Variants in XPO7 observed in about 807,000 individuals in gnomAD.
XPO7 encodes exportin-7.
In XPO7, 21 loss-of-function variants were observed where a neutral mutation model predicts 144.3. The ratio of observed to expected loss-of-function variants is 0.15; its 90% confidence interval spans 0.10 to 0.21. The LOEUF (loss-of-function observed/expected upper bound fraction) is 0.21, where lower values mean the gene tolerates loss of function less well. Among genes scored for constraint, XPO7 ranks in the 10% least tolerant of loss-of-function variants. The probability of loss-of-function intolerance (pLI) is 1.00; values close to 1 mark genes in which losing one functional copy is unlikely to be tolerated. For synonymous variants in XPO7, 580 were observed against 499.6 expected, an observed-to-expected ratio of 1.16 and a Z score of -2.15; for missense variants, 808 against 1,325.8, an observed-to-expected ratio of 0.61 and a Z score of 6.06.
At chr8:21,920,835 G>T (rs1810257035) in intron 1 of XPO7, among the ~76,000 whole-genome samples, 1 of 152,244 alleles carries the variant, frequency 6.6e-6, no homozygotes, top group Admixed American at 6.5e-5. Context: ...TAGAGGGCAA[G>T]AAGTGTCGCC....
At chr8:21,945,144 G>C (rs1393461777) in intron 1 of XPO7, among the ~76,000 whole-genome samples, 4 of 152,150 alleles carry the variant, frequency 2.6e-5, no homozygotes, top group African/African-American at 9.7e-5. Flanking sequence ...ACGGGGTGGC[G>C]GCCGGGCAGA....
At chr8:21,938,716 C>T (rs917475671) in intron 1 of XPO7, among the ~76,000 whole-genome samples, 3 of 151,608 alleles carry the variant, frequency 2.0e-5, no homozygotes, top group Non-Finnish European at 2.9e-5. Context: ...GGTGATCAGC[C>T]AGATGATTCC....
chr8:21,989,174 T>C, intron 16 of XPO7, 91 bp downstream of exon 16: 2 of 1,208,180 alleles, frequency 1.7e-6, no homozygotes, highest in Middle Eastern at 1.9e-4. Context: ...CACTTCAGTT[T>C]AGCTGTAGTG....
intron 27 of XPO7, among the ~76,000 whole-genome samples, chr8:22,004,771 T>C (rs1195441568): frequency 1.3e-5 from 2 of 152,036 alleles, no homozygotes; most frequent in Non-Finnish European, 2.9e-5. Flanking sequence ...GTGAGATTTC[T>C]TTTGTGCTGC....
rs892968633 is a variant in XPO7, at chr8:21,976,255, A to G, written c.598-101A>G. On this transcript the variant is annotated intron_variant, in intron 6 of 27. Transcript: ENST00000252512. Reference sequence around the variant, plus strand: ...GAAGGGGACATTTTACTGTGCTAACATATAGCCCTCCTTTTCTGACTTAAC... The same window carrying G: ...GAAGGGGACATTTTACTGTGCTAACGTATAGCCCTCCTTTTCTGACTTAAC... The G allele has an allele frequency of 6.0e-6, 8 of 1,331,834 alleles. No homozygotes were observed. The African/African-American group carries it at 1.2e-4, about 19-fold the overall frequency. The allele number at this position is 1,331,834 out of a possible 1,614,324, so 82.5% of individuals were successfully genotyped here.
intron 1 of XPO7, among the ~76,000 whole-genome samples, chr8:21,932,662 C>T (rs1222339564): frequency 6.6e-6 from 1 of 152,188 alleles, no homozygotes; most frequent in Non-Finnish European, 1.5e-5. Context: ...TGTCTGTCTT[C>T]TTCCTTTATG....
chr8:21,980,058 G>A, intron 8 of XPO7, 26 bp from the exon 9 acceptor site: 3 of 1,544,090 alleles, frequency 1.9e-6, no homozygotes, highest in Non-Finnish European at 2.6e-6. Flanking sequence ...TTTAATCGTT[G>A]TGTTTGGGTT....
rs1450053288 is a variant in XPO7 at position 21,994,401 on chromosome 8, C to A, written c.2187C>A (p.Ile729=). The change falls in exon 20 of 28, where the codon ATC becomes ATA. Residue 729 remains isoleucine (I), a synonymous_variant. Transcript: ENST00000252512. ...GCCTAGTAAGAGACCTGAGAGGGAT[C>A]GCTTTCGCTTTCAATGCCAAGACCA... The part of the protein sequence containing the change: ...LVGLVRDLRG[I]AFAFNAKTSF... 2 of 1,612,246 alleles carry A rather than the reference C, an allele frequency of 1.2e-6. No homozygotes were observed. The highest frequency in any genetic ancestry group is 2.7e-5 in the African/African-American group (2 of 74,884).
intron 8 of XPO7, among the ~76,000 whole-genome samples, chr8:21,978,050 G>C (rs1175566824): frequency 2.0e-5 from 3 of 149,332 alleles, no homozygotes; most frequent in Admixed American, 6.6e-5. Flanking sequence ...CCTGTCTAAA[G>C]GCCAATTCCT....
chr8:21,937,087 G>A (rs552271732), intron 1 of XPO7, among the ~76,000 whole-genome samples: 3 of 152,228 alleles, frequency 2.0e-5, no homozygotes, highest in African/African-American at 7.2e-5. Context: ...TTAATGCATA[G>A]CACAATAAGA....
chr8:21,926,819 A>G (rs946757053), intron 1 of XPO7, among the ~76,000 whole-genome samples: 2 of 152,210 alleles, frequency 1.3e-5, no homozygotes, highest in African/African-American at 4.8e-5. Flanking sequence ...CAAATTATTT[A>G]GAATGTAATG....
At chr8:21,942,841 A>C (rs774310977) in intron 1 of XPO7, among the ~76,000 whole-genome samples, 2 of 152,216 alleles carry the variant, frequency 1.3e-5, no homozygotes, top group Non-Finnish European at 2.9e-5. Flanking sequence ...TAGTAAAAAT[A>C]ATTTTTTTGC....
chr8:21,972,913 C>T (rs1033485183), intron 5 of XPO7, among the ~76,000 whole-genome samples: 2 of 152,216 alleles, frequency 1.3e-5, no homozygotes, highest in Non-Finnish European at 2.9e-5. Flanking sequence ...TTGCCACATG[C>T]AATCCCCGTT....
intron 1 of XPO7, among the ~76,000 whole-genome samples, chr8:21,941,383 G>A (rs768363893): frequency 2.2e-4 from 33 of 152,074 alleles, no homozygotes; most frequent in Non-Finnish European, 4.1e-4. Flanking sequence ...AACTCCTGGG[G>A]TCAAGCAACC....
At chr8:21,980,323 G>A in intron 9 of XPO7, 120 bp downstream of exon 9, 1 of 1,238,184 alleles carries the variant, frequency 8.1e-7, no homozygotes. Flanking sequence ...AGGGAAGACT[G>A]AAGTGAATCT....
chr8:21,965,596 T>G (rs1434862549), intron 1 of XPO7, among the ~76,000 whole-genome samples: 2 of 152,222 alleles, frequency 1.3e-5, no homozygotes, highest in Non-Finnish European at 2.9e-5. Context: ...TTTTGGGGGC[T>G]GTCTGAAGTA....
chr8:21,938,547 G>C (rs1311141455), intron 1 of XPO7, among the ~76,000 whole-genome samples: 1 of 152,118 alleles, frequency 6.6e-6, no homozygotes, highest in Non-Finnish European at 1.5e-5. Context: ...CACTGATAAT[G>C]TAATTTCGCT....
At chr8:21,923,245 A>G (rs1467106882) in intron 1 of XPO7, among the ~76,000 whole-genome samples, 2 of 152,210 alleles carry the variant, frequency 1.3e-5, no homozygotes, top group Non-Finnish European at 2.9e-5. Flanking sequence ...TGAGAAAGAC[A>G]CTGGAGCCAG....
chr8:21,984,801 G>A lies in XPO7; in HGVS notation c.1433G>A (p.Ser478Asn), dbSNP rs1237837063. ...SAQSYQELLQ[S>N]ASASPMDIAV... ...CAGTCGTACCAGGAGCTGCTACAGA[G>A]CGCCAGCGCAAGCCCAATGGACATT... The change falls in exon 12 of 28, where the codon AGC becomes AAC. Residue 478 changes from serine (S) to asparagine (N), a missense_variant. Ser to Asn is a conservative substitution (Grantham distance 46). Around this residue, in one of 5 missense-constraint regions of XPO7, gnomAD observed 416 missense variants for 612.5 expected, o/e 0.68. Transcript: ENST00000252512. 4.3e-6 allele frequency: 7 copies of A among 1,614,000 alleles called. No individual in the cohort carries two copies. The highest frequency in any genetic ancestry group is 1.1e-5 in the South Asian group (1 of 91,090).
Sources: gnomAD v4.1 joint callset for allele counts (sites outside exome capture counted in the v4.1 genomes callset) on GRCh38, gnomAD v4.1.1 for gene constraint, gnomAD v4.1.1 regional missense constraint, MANE v1.5 for transcripts, NCBI Gene and HGNC (gene_info 2026-07-23, HGNC 2026-07-21) for gene names.